Variants in NSUN3 observed in about 807,000 individuals in gnomAD.
NSUN3 encodes NOP2/Sun RNA methyltransferase 3, also known as tRNA (cytosine(34)-C(5))-methyltransferase, mitochondrial.
NSUN3 carries 24 observed loss-of-function variants against 36.8 expected under a neutral mutation model. The ratio of observed to expected loss-of-function variants is 0.65; its 90% CI spans 0.47 to 0.92. The LOEUF (loss-of-function observed/expected upper bound fraction) is 0.92. Among genes scored for constraint, NSUN3 ranks in the 40% least tolerant of loss-of-function variants. The probability of loss-of-function intolerance (pLI) is 0.00; values close to 1 mark genes in which losing one functional copy is unlikely to be tolerated. For synonymous variants in NSUN3, 146 were observed against 145.2 expected (o/e 1.01, Z -0.04); for missense variants, 381 against 392.8 (o/e 0.97, Z 0.25).
chr3:94,073,509 A>C (rs1322530999), intron 2 of NSUN3, among the ~76,000 whole-genome samples: 1 of 152,146 alleles, frequency 6.6e-6, no homozygotes. Context: ...CTGGTGTGAG[A>C]TGGTATTTCA....
chr3:94,087,888 C>T (rs543403335), intron 3 of NSUN3, among the ~76,000 whole-genome samples: 5 of 152,210 alleles, frequency 3.3e-5, no homozygotes, highest in African/African-American at 1.2e-4. Flanking sequence ...AGGCTGGCCT[C>T]GAACTCCTGG....
intron 2 of NSUN3, 68 bp from the exon 3 acceptor site, chr3:94,084,039 C>G (rs559110780): frequency 3.5e-6 from 4 of 1,134,004 alleles, no homozygotes; most frequent in Admixed American, 4.4e-5. Flanking sequence ...TCACCTGATT[C>G]GTAATATAAA....
At chr3:94,094,975 C>G in intron 4 of NSUN3, 58 bp from the exon 5 acceptor site, 1 of 1,575,618 alleles carries the variant, frequency 6.3e-7, no homozygotes, top group Non-Finnish European at 8.7e-7. Flanking sequence ...CTATCTACTT[C>G]GTGCCTGAGA....
intron 3 of NSUN3, among the ~76,000 whole-genome samples, chr3:94,086,922 G>A (rs2077294733): frequency 6.6e-6 from 1 of 152,110 alleles, no homozygotes; most frequent in Admixed American, 6.5e-5. Flanking sequence ...AGGATGAAAG[G>A]GAAATGTCAA....
chr3:94,097,501 ATTGT>A (rs541569280), intron 5 of NSUN3, among the ~76,000 whole-genome samples: 12 of 151,748 alleles, frequency 7.9e-5, no homozygotes, highest in African/African-American at 2.2e-4. Flanking sequence ...GGATATTTAC[ATTGT>A]TTGTTTGTTT....
chr3:94,091,509 G>T (rs989378367), intron 3 of NSUN3, among the ~76,000 whole-genome samples: 19 of 152,294 alleles, frequency 1.2e-4, no homozygotes, highest in African/African-American at 4.6e-4. Flanking sequence ...ATAAGACCAT[G>T]ATAATGTTTT....
At position 94,128,774 on chromosome 3, in the gene NSUN3, A is replaced by G. The variant is rs1364085796; in HGVS notation, c.*2284A>G. Among the ~76,000 whole-genome samples the G allele has an allele frequency of 5.3e-5, 8 of 152,098 alleles. No homozygotes were observed. The highest frequency in any genetic ancestry group is 7.4e-5 in the Non-Finnish European group (5 of 68,010). ...GCCAAAGGTCTAATATCCAGAATCTATAAGGAACTTAAATCAGCAAGCAAA... is the reference window on the plus strand; with the variant it reads ...GCCAAAGGTCTAATATCCAGAATCTGTAAGGAACTTAAATCAGCAAGCAAA... On this transcript the variant is annotated 3_prime_UTR_variant, in exon 6 of 6. Transcript: ENST00000314622.
intron 2 of NSUN3, among the ~76,000 whole-genome samples, chr3:94,080,584 C>CT (rs199710215): frequency 0.014 from 2,102 of 152,288 alleles, 21 homozygotes; most frequent in Non-Finnish European, 0.022. Context: ...AAGCTGCTGC[C>CT]TTTTTTTCAG....
intron 5 of NSUN3, among the ~76,000 whole-genome samples, chr3:94,103,814 C>G (rs934503263): frequency 6.6e-6 from 1 of 152,122 alleles, no homozygotes; most frequent in African/African-American, 2.4e-5. Context: ...ATTAAAAGAT[C>G]AACTTTTTAA....
chr3:94,066,024 G>C (rs1459103129), intron 2 of NSUN3, among the ~76,000 whole-genome samples: 1 of 148,944 alleles, frequency 6.7e-6, no homozygotes, highest in Non-Finnish European at 1.5e-5. Context: ...GCTCATCCTT[G>C]TTCTGTACTG....
intron 3 of NSUN3, among the ~76,000 whole-genome samples, chr3:94,088,684 T>G (rs2077302592): frequency 6.6e-6 from 1 of 151,276 alleles, no homozygotes. Flanking sequence ...TTTTTTTTTT[T>G]TTTTTAGACA....
chr3:94,077,252 G>A lies in NSUN3; in HGVS notation c.123-6855G>A, dbSNP rs1421623406. On this transcript the variant is annotated intron_variant, in intron 2 of 5. Coordinates refer to ENST00000314622, the MANE Select transcript of NSUN3 (RefSeq NM_022072.5). Reference sequence around the variant, plus strand: ...GGGAGGCTGCAGGCCGGATTGATTTGCATATGTTGAACCAGTCTTGCATCC... The same window carrying A: ...GGGAGGCTGCAGGCCGGATTGATTTACATATGTTGAACCAGTCTTGCATCC... 1.7e-5 allele frequency: 10 copies of A among 604,984 alleles called. No individual in the cohort carries two copies. In the African/African-American group the frequency reaches 1.8e-4, roughly 11 times the overall value. 37.5% of individuals were successfully genotyped at this position (604,984 alleles called of 1,614,324 possible). A position where few individuals can be genotyped will look rare whatever the true frequency, so the allele number is the denominator to read the frequency against.
chr3:94,076,595 CTAAG>C (rs1176940669), intron 2 of NSUN3: 1 of 878,128 alleles, frequency 1.1e-6, no homozygotes, highest in Non-Finnish European at 2.0e-6. Flanking sequence ...ATCTGAAGCA[CTAAG>C]TAAGTGCCCA....
At chr3:94,082,073 A>T (rs1287511999) in intron 2 of NSUN3, 2 of 152,216 alleles carry the variant, frequency 1.3e-5, no homozygotes, top group African/African-American at 4.8e-5. Flanking sequence ...ACATGATGCA[A>T]GCCAAGCCGC....
chr3:94,074,881 C>T (rs2077240138), intron 2 of NSUN3, among the ~76,000 whole-genome samples: 1 of 152,080 alleles, frequency 6.6e-6, no homozygotes, highest in African/African-American at 2.4e-5. Flanking sequence ...TTGTCTTGTG[C>T]TGGTTTTCAG....
intron 2 of NSUN3, chr3:94,076,236 T>C (rs1261460245): frequency 1.2e-5 from 11 of 919,494 alleles, no homozygotes; most frequent in South Asian, 9.1e-5. Flanking sequence ...ATTTCATCCA[T>C]GTGACTCAGA....
chr3:94,113,551 G>C (rs1447891783), intron 5 of NSUN3, among the ~76,000 whole-genome samples: 2 of 152,174 alleles, frequency 1.3e-5, no homozygotes, highest in African/African-American at 2.4e-5. Flanking sequence ...GGAGGCTAAA[G>C]GGGGACTTCA....
chr3:94,069,482 T>G (rs895867441), intron 2 of NSUN3, among the ~76,000 whole-genome samples: 2 of 152,196 alleles, frequency 1.3e-5, no homozygotes, highest in Non-Finnish European at 2.9e-5. Context: ...GAAATTTAAA[T>G]AGGTTCTGTA....
intron 2 of NSUN3, among the ~76,000 whole-genome samples, chr3:94,082,444 T>C (rs1434814386): frequency 6.6e-6 from 1 of 152,072 alleles, no homozygotes; most frequent in Non-Finnish European, 1.5e-5. Flanking sequence ...TCCTCCAAAA[T>C]AGCTGAAACA....
Sources: allele counts gnomAD v4.1 joint callset (sites outside exome capture counted in the v4.1 genomes callset), GRCh38; gene constraint gnomAD v4.1.1; transcripts MANE v1.5; gene names NCBI Gene and HGNC (gene_info 2026-07-23, HGNC 2026-07-21).